PLOD1: variants seen among roughly 807,000 people sequenced by gnomAD.
PLOD1 encodes the protein procollagen-lysine,2-oxoglutarate 5-dioxygenase 1.
Under a neutral mutation model 94.7 loss-of-function variants are expected in PLOD1, and 70 were observed. That is an observed-to-expected ratio of 0.74 (90% CI 0.61 to 0.90). PLOD1 has a LOEUF of 0.90. PLOD1 is among the 40% of genes least tolerant of loss of function. The pLI is 0.00. For synonymous variants in PLOD1, 417 were observed against 400.2 expected (o/e 1.04, Z -0.50); for missense variants, 905 against 972.7 (o/e 0.93, Z 0.93).
At chr1:11,955,984 A>G (rs1645734964) in intron 6 of PLOD1, among the ~76,000 whole-genome samples, 1 of 151,542 alleles carries the variant, frequency 6.6e-6, no homozygotes, top group Admixed American at 6.6e-5. Context: ...CTTGTCTCAA[A>G]CTCCTGGGCT....
intron 16 of PLOD1, among the ~76,000 whole-genome samples, chr1:11,969,020 ATTTT>A (rs936449431): frequency 8.4e-6 from 1 of 118,844 alleles, no homozygotes. Flanking sequence ...ACCATGCCTA[ATTTT>A]TTTTTTTTTT....
intron 10 of PLOD1, 21 bp downstream of exon 10, chr1:11,960,788 C>T (rs1261605161): frequency 1.2e-6 from 2 of 1,611,942 alleles, no homozygotes; most frequent in Admixed American, 1.7e-5. Context: ...GGCCACAGTA[C>T]TCTCCACTGA....
chr1:11,938,271 G>T (rs1645593456), intron 1 of PLOD1, among the ~76,000 whole-genome samples: 1 of 152,156 alleles, frequency 6.6e-6, no homozygotes, highest in African/African-American at 2.4e-5. Context: ...TGCTAAGTAA[G>T]AAATCATCAA....
At chr1:11,974,566 C>T in intron 18 of PLOD1, 87 bp from the exon 19 acceptor site, 1 of 1,340,614 alleles carries the variant, frequency 7.5e-7, no homozygotes, top group Non-Finnish European at 1.1e-6. Context: ...TGCTGAGGGC[C>T]ACTTGGCCAT....
chr1:11,941,492 ATTT>A (rs1247883084), intron 1 of PLOD1, among the ~76,000 whole-genome samples: 3 of 145,232 alleles, frequency 2.1e-5, no homozygotes, highest in African/African-American at 8.0e-5. Flanking sequence ...TATTATTATT[ATTT>A]TTGAGATGGA....
intron 9 of PLOD1, among the ~76,000 whole-genome samples, chr1:11,960,097 G>A (rs2224103): frequency 0.027 from 4,102 of 151,726 alleles, 118 homozygotes; most frequent in African/African-American, 0.07. Flanking sequence ...GCCTCCTCCC[G>A]AGTACCTGGA....
chr1:11,950,466 C>G lies in PLOD1; in HGVS notation c.412C>G (p.Leu138Val), dbSNP rs1290569417. ...AEELIYPDRR[L>V]ETKYPVVSDG... is the part of the protein sequence containing the mutation. ...GGAGCTCATCTACCCAGACCGCAGG[C>G]TGGAGACCAAGTATCCGGTGGTGTC... The change falls in exon 4 of 19, where the codon CTG becomes GTG. Residue 138 changes from leucine to valine, a missense_variant. Transcript: ENST00000196061. The G allele has an allele frequency of 1.2e-6, 2 of 1,614,140 alleles. No individual in the cohort carries two copies. Among genetic ancestry groups the G allele is most frequent in the Non-Finnish European group, 1.7e-6 (2 of 1,179,970 alleles).
chr1:11,937,827 C>T (rs537137004), intron 1 of PLOD1, among the ~76,000 whole-genome samples: 58 of 151,756 alleles, frequency 3.8e-4, no homozygotes, highest in African/African-American at 1.3e-3. Context: ...CACTGATGCA[C>T]AAGAGAGCAG....
intron 5 of PLOD1, chr1:11,954,310 CAA>C (rs754503001): frequency 0.14 from 22,649 of 157,410 alleles, 111 homozygotes; most frequent in East Asian, 0.16. Context: ...CCATCTCTAG[CAA>C]AAAAAAAAAA....
At position 11,974,912 on chromosome 1, in the gene PLOD1, C is replaced by T. The variant is rs1645893715; in HGVS notation, c.*104C>T. 1 of 1,076,044 alleles carries T rather than the reference C, an allele frequency of 9.3e-7. No individual in the cohort carries two copies. Among genetic ancestry groups the T allele is most frequent in the Non-Finnish European group, 1.4e-6 (1 of 689,844 alleles). The allele number at this position is 1,076,044 out of a possible 1,614,324, so 66.7% of individuals were successfully genotyped here. ...CAGGGAACCCAGTCCAGCCTCCTGG[C>T]TGTTGACTTCCCATTGCTCTTGGAG... On this transcript the variant is annotated 3_prime_UTR_variant, in exon 19 of 19. Coordinates refer to ENST00000196061, the MANE Select transcript of PLOD1 (RefSeq NM_000302.4).
chr1:11,940,514 G>T (rs1645608401), intron 1 of PLOD1, among the ~76,000 whole-genome samples: 1 of 152,182 alleles, frequency 6.6e-6, no homozygotes, highest in South Asian at 2.1e-4. Context: ...CTGGAGGGAG[G>T]TACTATCATC....
chr1:11,958,510 G>A lies in PLOD1; in HGVS notation c.844-6G>A. 6.2e-7 allele frequency: 1 copy of A among 1,613,456 alleles called. No individual in the cohort carries two copies. Among genetic ancestry groups the A allele is most frequent in the Admixed American group, 1.7e-5 (1 of 59,934 alleles). On this transcript the variant is annotated splice_polypyrimidine_tract_variant and splice_region_variant and intron_variant, in intron 8 of 18. Transcript: ENST00000196061. This position sits in a 1 kb window ranked among gnomAD's most constrained non-coding sequence, Gnocchi z 4.3. Reference sequence around the variant, plus strand: ...CTGGACTCTTGTGCCGCCCTCCCTGGTGCAGGATGAAGCTCTGCCCACGGT... The same window carrying A: ...CTGGACTCTTGTGCCGCCCTCCCTGATGCAGGATGAAGCTCTGCCCACGGT...
At position 11,967,659 on chromosome 1, in the gene PLOD1, T is replaced by TATATA. The variant is rs1491520648; in HGVS notation, c.1755+568_1755+569insATATA. ...TTTTATTTATATATATATATATATA[T>TATATA]TTTTTTTAAATAATAGAGACGGGGT... On this transcript the variant is annotated intron_variant, in intron 16 of 18. Coordinates refer to ENST00000196061, the MANE Select transcript of PLOD1 (RefSeq NM_000302.4). Among the ~76,000 whole-genome samples, 5 of 71,482 alleles carry TATATA rather than the reference T, an allele frequency of 7.0e-5. No homozygotes were observed. In the East Asian group the frequency reaches 1.7e-3, roughly 25 times the overall value. 46.9% of individuals were successfully genotyped at this position (71,482 alleles called of 152,430 possible). A position where few individuals can be genotyped will look rare whatever the true frequency, so the allele number is the denominator to read the frequency against.
intron 1 of PLOD1, among the ~76,000 whole-genome samples, chr1:11,941,983 G>C (rs1386730233): frequency 1.4e-5 from 2 of 138,734 alleles, no homozygotes; most frequent in Admixed American, 1.4e-4. Flanking sequence ...ACTGTGCCCG[G>C]CCTTTTTTTT....
At chr1:11,974,582 G>C in intron 18 of PLOD1, 71 bp from the exon 19 acceptor site, 4 of 1,463,592 alleles carry the variant, frequency 2.7e-6, no homozygotes, top group East Asian at 4.7e-5. Flanking sequence ...GCCATGACAG[G>C]AGATCATGAC....
intron 1 of PLOD1, 23 bp downstream of exon 1, chr1:11,934,878 C>T: frequency 1.3e-6 from 2 of 1,531,470 alleles, no homozygotes; most frequent in East Asian, 2.5e-5. Flanking sequence ...AGGCCGGGGG[C>T]GGGAGCGCGG....
At position 11,956,864 on chromosome 1, in the gene PLOD1, G is replaced by A. The variant is rs1569703571; in HGVS notation, c.644-53G>A. ...ATTTGAGCCCAGCTGGTTGGACCCTGAGCCTGACCTCTGGGTCTGATGCTG... is the reference window on the plus strand; with the variant it reads ...ATTTGAGCCCAGCTGGTTGGACCCTAAGCCTGACCTCTGGGTCTGATGCTG... On this transcript the variant is annotated intron_variant, in intron 6 of 18. Coordinates refer to ENST00000196061, the MANE Select transcript of PLOD1 (RefSeq NM_000302.4). The A allele has an allele frequency of 2.1e-5, 26 of 1,260,070 alleles. No homozygotes were observed. In the East Asian group the frequency reaches 6.0e-4, roughly 29 times the overall value. The allele number at this position is 1,260,070 out of a possible 1,614,324, so 78.1% of individuals were successfully genotyped here. A position where few individuals can be genotyped will look rare whatever the true frequency, so the allele number is the denominator to read the frequency against.
intron 1 of PLOD1, among the ~76,000 whole-genome samples, chr1:11,935,847 A>C (rs1018758868): frequency 1.3e-5 from 2 of 151,826 alleles, no homozygotes; most frequent in Admixed American, 6.6e-5. Flanking sequence ...CTGGTCTTGA[A>C]CTTCTGACCT....
rs1490187110 is a variant in PLOD1, at chr1:11,964,766, G to C, written c.1451G>C (p.Cys484Ser). The C allele has an allele frequency of 2.5e-6, 4 of 1,613,688 alleles. No individual in the cohort carries two copies. The highest frequency in any genetic ancestry group is 2.5e-6 in the Non-Finnish European group (3 of 1,180,040). Residue 484 changes from cysteine (C) to serine (S), a missense_variant, in exon 13 of 19, where the codon TGT becomes TCT. Transcript: ENST00000196061. Reference protein sequence around the residue: ...HSKLDPDMAFCANIRQQDVFM... With the variant: ...HSKLDPDMAFSANIRQQDVFM... ...AAGCTGGACCCCGACATGGCCTTCT[G>C]TGCCAACATCCGGCAGCAGGTCAGC...
Sources: gnomAD v4.1 joint callset for allele counts (sites outside exome capture counted in the v4.1 genomes callset) on GRCh38, gnomAD v4.1.1 for gene constraint, Gnocchi (gnomAD v3.1) non-coding constraint, MANE v1.5 for transcripts, NCBI Gene and HGNC (gene_info 2026-07-23, HGNC 2026-07-21) for gene names.